Variants in PHLPP1 observed in about 807,000 individuals in gnomAD.
The protein encoded by PHLPP1 is PH domain leucine-rich repeat-containing protein phosphatase 1.
In PHLPP1, 42 loss-of-function variants were observed where a neutral mutation model predicts 117.2. The ratio of observed to expected loss-of-function variants is 0.36; its 90% CI spans 0.28 to 0.46. The LOEUF (loss-of-function observed/expected upper bound fraction) is 0.46. Among genes scored for constraint, PHLPP1 ranks in the 20% least tolerant of loss-of-function variants. The pLI is 1.00. For synonymous variants in PHLPP1, 1,042 were observed against 970.7 expected (o/e 1.07, Z -1.37); for missense variants, 2,084 against 2,241.9 (o/e 0.93, Z 1.42).
At chr18:62,745,622 T>G (rs894992059) in intron 1 of PHLPP1, among the ~76,000 whole-genome samples, 1 of 152,164 alleles carries the variant, frequency 6.6e-6, no homozygotes, top group African/African-American at 2.4e-5. Context: ...TTAGAGGTTT[T>G]TTGGAGTAAT....
intron 10 of PHLPP1, among the ~76,000 whole-genome samples, chr18:62,929,562 G>A (rs146784476): frequency 6.6e-6 from 1 of 152,224 alleles, no homozygotes; most frequent in South Asian, 2.1e-4. Flanking sequence ...GAATGATAGT[G>A]AGCATTTTGG....
At chr18:62,800,436 CTG>C (rs1446376203) in intron 1 of PHLPP1, among the ~76,000 whole-genome samples, 2 of 152,168 alleles carry the variant, frequency 1.3e-5, no homozygotes, top group Non-Finnish European at 2.9e-5. Context: ...TGTTTTAAAG[CTG>C]GCTCTATAGT....
At chr18:62,792,054 T>C (rs1279009099) in intron 1 of PHLPP1, among the ~76,000 whole-genome samples, 1 of 152,198 alleles carries the variant, frequency 6.6e-6, no homozygotes, top group Non-Finnish European at 1.5e-5. Flanking sequence ...GATTTTGTTA[T>C]TATAAATGTA....
chr18:62,860,372 A>G, intron 3 of PHLPP1, 63 bp from the exon 4 acceptor site: 1 of 1,346,938 alleles, frequency 7.4e-7, no homozygotes, highest in South Asian at 1.2e-5. Flanking sequence ...TCTTATTTCT[A>G]TCCATAGAAA....
chr18:62,929,349 A>G (rs190810617), intron 10 of PHLPP1, among the ~76,000 whole-genome samples: 123 of 152,292 alleles, frequency 8.1e-4, no homozygotes, highest in African/African-American at 2.9e-3. Context: ...TAATTTAAAT[A>G]AATTGTAATT....
chr18:62,781,763 A>G (rs1483870198), intron 1 of PHLPP1, among the ~76,000 whole-genome samples: 1 of 152,174 alleles, frequency 6.6e-6, no homozygotes, highest in Non-Finnish European at 1.5e-5. Flanking sequence ...CTGCATGTTC[A>G]TTAGAAACAT....
rs539011581 is a variant in PHLPP1 at position 62,859,707 on chromosome 18, A to G, written c.1900-728A>G. Among the ~76,000 whole-genome samples, 5 of 152,222 alleles carry G rather than the reference A, an allele frequency of 3.3e-5. No homozygotes were observed. In the East Asian group the frequency reaches 9.6e-4, roughly 29 times the overall value. On this transcript the variant is annotated intron_variant, in intron 3 of 16. Coordinates refer to ENST00000262719, the MANE Select transcript of PHLPP1 (RefSeq NM_194449.4). The stretch of plus-strand genomic sequence containing the variant: ...CTTAGTATCTGTCTCTTGACCGTGT[A>G]TTTACTCGATAGCTCTGAATTCTCT...
chr18:62,920,964 A>G lies in PHLPP1; in HGVS notation c.2960+850A>G, dbSNP rs184564310. The stretch of plus-strand genomic sequence containing the variant: ...AACAAAATTTTCCTAAATTACTTGT[A>G]TCATACACTAAGCATTTGAAGTTGT... On this transcript the variant is annotated intron_variant, in intron 10 of 16. Coordinates refer to ENST00000262719, the MANE Select transcript of PHLPP1 (RefSeq NM_194449.4). Among the ~76,000 whole-genome samples, 21 of 152,372 alleles carry G rather than the reference A, an allele frequency of 1.4e-4. No individual in the cohort carries two copies. In the East Asian group the frequency reaches 3.5e-3, roughly 25 times the overall value.
chr18:62,792,167 T>C (rs1198646951), intron 1 of PHLPP1, among the ~76,000 whole-genome samples: 1 of 152,230 alleles, frequency 6.6e-6, no homozygotes, highest in African/African-American at 2.4e-5. Flanking sequence ...GTCAAGTCCA[T>C]GTAGCATATG....
rs145001038 is a variant in PHLPP1, at chr18:62,924,860, A to T, written c.2960+4746A>T. Among the ~76,000 whole-genome samples, 167 of 150,698 alleles carry T rather than the reference A, an allele frequency of 1.1e-3. 2 individuals carry two copies. The highest frequency in any genetic ancestry group is 1.1e-3 in the Non-Finnish European group (76 of 67,736). On this transcript the variant is annotated intron_variant, in intron 10 of 16. Coordinates refer to ENST00000262719, the MANE Select transcript of PHLPP1 (RefSeq NM_194449.4). ...TCTCAAAAAATGAAAAAAAGGTATT[A>T]CAACTTTAGAATAGTATATATTAAT...
chr18:62,763,725 C>T (rs1273647791), intron 1 of PHLPP1, among the ~76,000 whole-genome samples: 1 of 152,174 alleles, frequency 6.6e-6, no homozygotes, highest in Non-Finnish European at 1.5e-5. Flanking sequence ...GTATTTCTTT[C>T]TCTGTCTACT....
At chr18:62,831,148 T>G (rs1469136522) in intron 2 of PHLPP1, among the ~76,000 whole-genome samples, 1 of 152,160 alleles carries the variant, frequency 6.6e-6, no homozygotes, top group African/African-American at 2.4e-5. Context: ...ACCAGATTAC[T>G]TGGGGAAATG....
At chr18:62,826,884 G>A (rs1488306889) in intron 1 of PHLPP1, among the ~76,000 whole-genome samples, 2 of 151,984 alleles carry the variant, frequency 1.3e-5, no homozygotes, top group African/African-American at 2.4e-5. Context: ...TCTGTAGTCC[G>A]AGGTACTTGG....
At chr18:62,953,251 A>G (rs535784282) in intron 12 of PHLPP1, among the ~76,000 whole-genome samples, 1 of 152,330 alleles carries the variant, frequency 6.6e-6, no homozygotes, top group Admixed American at 6.5e-5. Flanking sequence ...TAGGATCCAC[A>G]GTTCATTATC....
chr18:62,741,876 A>T (rs905716031), intron 1 of PHLPP1, among the ~76,000 whole-genome samples: 4 of 151,804 alleles, frequency 2.6e-5, no homozygotes, highest in Non-Finnish European at 5.9e-5. Flanking sequence ...CAGTGTGAAT[A>T]TAGTGTACTG....
At chr18:62,869,796 A>C (rs1915854200) in intron 4 of PHLPP1, among the ~76,000 whole-genome samples, 2 of 152,222 alleles carry the variant, frequency 1.3e-5, no homozygotes, top group African/African-American at 4.8e-5. Flanking sequence ...CATGGGGAAG[A>C]TAGGCCTAGG....
At chr18:62,849,592 C>T (rs1326468805) in intron 3 of PHLPP1, among the ~76,000 whole-genome samples, 4 of 140,764 alleles carry the variant, frequency 2.8e-5, no homozygotes, top group South Asian at 2.3e-4. Context: ...ACCCAGGAGG[C>T]GAAGCCAAGA....
chr18:62,941,832 A>G lies in PHLPP1; in HGVS notation c.3075A>G (p.Thr1025=). Reference sequence around the variant, plus strand: ...TGTATTTGACAAATAACAGCCTCACAGACAAATGTGTGCCCTTGTTAACGG... The same window carrying G: ...TGTATTTGACAAATAACAGCCTCACGGACAAATGTGTGCCCTTGTTAACGG... ...QELYLTNNSL[T]DKCVPLLTGH... is the part of the protein sequence containing the mutation. The change falls in exon 11 of 17, where the codon ACA becomes ACG. Residue 1025 remains threonine (T), a synonymous_variant. Coordinates refer to ENST00000262719, the MANE Select transcript of PHLPP1 (RefSeq NM_194449.4). 1.9e-6 allele frequency: 3 copies of G among 1,614,044 alleles called. No homozygotes were observed. Among genetic ancestry groups the G allele is most frequent in the Non-Finnish European group, 2.5e-6 (3 of 1,179,860 alleles).
rs1910711628 is a variant in PHLPP1, at chr18:62,715,954, G to C, written c.271G>C (p.Gly91Arg). 2.5e-6 allele frequency: 3 copies of C among 1,195,026 alleles called. No individual in the cohort carries two copies. The highest frequency in any genetic ancestry group is 4.5e-5 in the Admixed American group (1 of 22,206). 74.0% of individuals were successfully genotyped at this position (1,195,026 alleles called of 1,614,324 possible). Reference sequence around the variant, plus strand: ...GCTGCCGGGCAGAGCGGGGGGTGCCGGGCGCAGGAGGCGGCGCGGGGCGCC... The same window carrying C: ...GCTGCCGGGCAGAGCGGGGGGTGCCCGGCGCAGGAGGCGGCGCGGGGCGCC... ...GPLPGRAGGA[G>R]RRRRRGAPQP... The change falls in exon 1 of 17, where the codon GGG (glycine) becomes CGG (arginine). Residue 91 changes from glycine (G) to arginine (R), a missense_variant. Around this residue, in one of 2 missense-constraint regions of PHLPP1, gnomAD observed 719 missense variants for 636.0 expected, o/e 1.13. Transcript: ENST00000262719.
Sources: gnomAD v4.1 joint callset for allele counts (sites outside exome capture counted in the v4.1 genomes callset) on GRCh38, gnomAD v4.1.1 for gene constraint, gnomAD v4.1.1 regional missense constraint, MANE v1.5 for transcripts, NCBI Gene and HGNC (gene_info 2026-07-23, HGNC 2026-07-21) for gene names.